The following UST variants were observed in gnomAD, a reference collection of about 807,000 sequenced individuals.
UST encodes chondroitin sulfate 2-O-sulfotransferase.
Under a neutral mutation model 45.6 loss-of-function variants are expected in UST, and 21 were observed. The ratio of observed to expected loss-of-function variants is 0.46; its 90% CI spans 0.33 to 0.66. UST has a LOEUF of 0.66. Among genes scored for constraint, UST ranks in the 30% least tolerant of loss-of-function variants. The pLI is 0.02. For missense variants in UST, 463 were observed against 512.4 expected, an observed-to-expected ratio of 0.90 and a Z score of 0.93; for synonymous variants, 215 against 200.6, an observed-to-expected ratio of 1.07 and a Z score of -0.61.
At chr6:148,831,296 G>A (rs1402767450) in intron 1 of UST, among the ~76,000 whole-genome samples, 3 of 152,170 alleles carry the variant, frequency 2.0e-5, no homozygotes, top group Admixed American at 1.3e-4. Flanking sequence ...TGCAGAGAGA[G>A]GAAGTGTCTT....
chr6:149,001,496 G>A (rs1781549408), intron 5 of UST, among the ~76,000 whole-genome samples: 1 of 152,224 alleles, frequency 6.6e-6, no homozygotes, highest in South Asian at 2.1e-4. Context: ...CAAAGCAGAT[G>A]ACCAATGAAG....
chr6:149,019,405 C>T (rs1196103488), intron 6 of UST, among the ~76,000 whole-genome samples, 169 bp downstream of exon 6: 2 of 152,154 alleles, frequency 1.3e-5, no homozygotes, highest in Non-Finnish European at 2.9e-5. Flanking sequence ...CTCCAAATGT[C>T]CTATAAATAA....
At chr6:148,773,708 A>G (rs1275623109) in intron 1 of UST, among the ~76,000 whole-genome samples, 2 of 152,170 alleles carry the variant, frequency 1.3e-5, no homozygotes, top group East Asian at 3.9e-4. Context: ...ACACTGAACA[A>G]AAGGACAGTG....
chr6:148,875,982 A>G (rs530954772), intron 1 of UST, among the ~76,000 whole-genome samples: 6 of 152,354 alleles, frequency 3.9e-5, no homozygotes, highest in Admixed American at 3.3e-4. Context: ...TACATTAAAT[A>G]TATGTATTAA....
chr6:149,004,566 A>G (rs73000442), intron 5 of UST, among the ~76,000 whole-genome samples: 8 of 152,306 alleles, frequency 5.3e-5, no homozygotes, highest in Non-Finnish European at 1.0e-4. Context: ...TAATAACCGG[A>G]CCTGGTGACT....
chr6:148,919,840 A>G (rs889404011), intron 2 of UST, among the ~76,000 whole-genome samples: 2 of 152,228 alleles, frequency 1.3e-5, no homozygotes, highest in African/African-American at 4.8e-5. Flanking sequence ...GACTACTGTC[A>G]TCCATTAAAA....
At chr6:149,043,009 TTC>T (rs766567974) in intron 7 of UST, among the ~76,000 whole-genome samples, 1,717 of 118,502 alleles carry the variant, frequency 0.014, 23 homozygotes, top group African/African-American at 0.058. Flanking sequence ...CTTTCTTTCT[TTC>T]TTTCTTTCTT....
At chr6:149,069,896 T>A (rs984771960) in intron 7 of UST, among the ~76,000 whole-genome samples, 2 of 152,254 alleles carry the variant, frequency 1.3e-5, no homozygotes, top group African/African-American at 4.8e-5. Flanking sequence ...GATAGTTTTG[T>A]AGTCAAGGTA....
chr6:149,069,512 T>A (rs1021025295), intron 7 of UST, among the ~76,000 whole-genome samples: 2 of 152,222 alleles, frequency 1.3e-5, no homozygotes, highest in African/African-American at 4.8e-5. Flanking sequence ...TTTTTTCATA[T>A]ACCTCTTGGC....
At chr6:148,856,940 T>G (rs528094844) in intron 1 of UST, among the ~76,000 whole-genome samples, 70 of 149,908 alleles carry the variant, frequency 4.7e-4, no homozygotes, top group African/African-American at 1.5e-3. Flanking sequence ...CAATGAGAGC[T>G]TTGTGATATA....
rs9485348 is a variant in UST, at chr6:149,029,442, T to A, written c.937+7961T>A. Among the ~76,000 whole-genome samples, 41 of 143,354 alleles carry A rather than the reference T, an allele frequency of 2.9e-4. No individual in the cohort carries two copies. In the South Asian group the frequency reaches 3.6e-3, roughly 13 times the overall value. 94.0% of individuals were successfully genotyped at this position (143,354 alleles called of 152,430 possible). On this transcript the variant is annotated intron_variant, in intron 7 of 7. Transcript: ENST00000367463. ...ATTATATTGTATACATTATATTATATTATATTATATATACATTATATATTA... is the reference window on the plus strand; with the variant it reads ...ATTATATTGTATACATTATATTATAATATATTATATATACATTATATATTA...
At chr6:148,866,054 T>C (rs1778423619) in intron 1 of UST, among the ~76,000 whole-genome samples, 1 of 152,000 alleles carries the variant, frequency 6.6e-6, no homozygotes, top group African/African-American at 2.4e-5. Context: ...TACAAATACA[T>C]ATACATATTG....
intron 1 of UST, among the ~76,000 whole-genome samples, chr6:148,756,884 T>G (rs913450207): frequency 6.6e-6 from 1 of 152,224 alleles, no homozygotes; most frequent in Non-Finnish European, 1.5e-5. Context: ...TGGTCTCTAT[T>G]TAGAGAATAT....
intron 7 of UST, among the ~76,000 whole-genome samples, chr6:149,046,623 C>T (rs374637321): frequency 6.6e-6 from 1 of 152,156 alleles, no homozygotes; most frequent in African/African-American, 2.4e-5. Context: ...TTTCTTCATC[C>T]GAAAGCAGAG....
chr6:148,851,637 A>G (rs540936890), intron 1 of UST, among the ~76,000 whole-genome samples: 63 of 152,336 alleles, frequency 4.1e-4, no homozygotes, highest in African/African-American at 1.4e-3. Flanking sequence ...TGGTCAATCA[A>G]TGCTGGTGTA....
chr6:149,040,954 C>A (rs903380344), intron 7 of UST, among the ~76,000 whole-genome samples: 7 of 152,208 alleles, frequency 4.6e-5, no homozygotes, highest in Non-Finnish European at 7.3e-5. Context: ...ACATCCTCCT[C>A]CTTGCTGTGA....
intron 5 of UST, among the ~76,000 whole-genome samples, chr6:149,009,011 G>A (rs1042518988): frequency 2.3e-4 from 35 of 152,138 alleles, no homozygotes; most frequent in African/African-American, 8.0e-4. Flanking sequence ...TTAAAAGACA[G>A]GGGCTAAAAT....
chr6:149,015,967 C>T (rs1775890494), intron 5 of UST, among the ~76,000 whole-genome samples: 1 of 152,168 alleles, frequency 6.6e-6, no homozygotes, highest in African/African-American at 2.4e-5. Flanking sequence ...TTCCTGCAGG[C>T]CCCTGGTCCT....
chr6:148,758,078 C>T (rs1423340454), intron 1 of UST, among the ~76,000 whole-genome samples: 1 of 152,166 alleles, frequency 6.6e-6, no homozygotes, highest in Non-Finnish European at 1.5e-5. Context: ...CTTTAACTCC[C>T]TCTTCATTTA....
Sources: gnomAD v4.1 joint callset for allele counts (sites outside exome capture counted in the v4.1 genomes callset) on GRCh38, gnomAD v4.1.1 for gene constraint, MANE v1.5 for transcripts, NCBI Gene and HGNC (gene_info 2026-07-23, HGNC 2026-07-21) for gene names.